The following WDR70 variants were observed in gnomAD, a reference collection of about 807,000 sequenced individuals.
WDR70 encodes WD repeat domain 70.
WDR70 carries 53 observed loss-of-function variants against 88.6 expected under a neutral mutation model. That is an observed-to-expected ratio of 0.60 (90% CI 0.48 to 0.75). The LOEUF is 0.75. Ranked by LOEUF, WDR70 falls within the 30% of genes least tolerant of loss-of-function variation. WDR70 has a pLI of 0.00. For synonymous variants in WDR70, 280 were observed against 270.0 expected, an observed-to-expected ratio of 1.04 and a Z score of -0.36; for missense variants, 610 against 823.2, an observed-to-expected ratio of 0.74 and a Z score of 3.17.
Position 37,426,513 on chromosome 5 carries a change from C to T in WDR70, c.493-11409C>T, listed in dbSNP as rs573434439. Among the ~76,000 whole-genome samples the T allele has an allele frequency of 3.1e-3, 472 of 152,266 alleles. 1 individual carries two copies. Among genetic ancestry groups the T allele is most frequent in the African/African-American group, 0.011 (442 of 41,556 alleles). ...TCTTCTGGTCTTACTTTGAATCTCT[C>T]GTGTAGCTGCAGTTAGCATATAGCA... On this transcript the variant is annotated intron_variant, in intron 5 of 17. Coordinates refer to ENST00000265107, the MANE Select transcript of WDR70 (RefSeq NM_018034.4).
chr5:37,635,586 G>A (rs973636491), intron 10 of WDR70, among the ~76,000 whole-genome samples: 51 of 152,216 alleles, frequency 3.4e-4, no homozygotes, highest in African/African-American at 1.1e-3. Flanking sequence ...TAAATATTTG[G>A]TGTAGAAGTT....
intron 5 of WDR70, among the ~76,000 whole-genome samples, chr5:37,436,052 A>T (rs1231725923): frequency 6.6e-6 from 1 of 152,156 alleles, no homozygotes; most frequent in South Asian, 2.1e-4. Flanking sequence ...GAAATGCCAT[A>T]GAAATGCATA....
At chr5:37,514,356 A>ATATATATATATATATATATATATG (rs771375976) in intron 8 of WDR70, among the ~76,000 whole-genome samples, 27 of 54,394 alleles carry the variant, frequency 5.0e-4, no homozygotes, top group East Asian at 1.6e-3. Context: ...ATATATATAT[A>ATATATATATATATATATATATATG]TATGTATGTA....
chr5:37,461,415 G>A (rs1738999261), intron 7 of WDR70, among the ~76,000 whole-genome samples: 2 of 152,134 alleles, frequency 1.3e-5, no homozygotes, highest in African/African-American at 4.8e-5. Context: ...AGCTGGGGCT[G>A]AGAGTAATCC....
At chr5:37,542,945 G>A (rs1191329666) in intron 9 of WDR70, among the ~76,000 whole-genome samples, 1 of 152,210 alleles carries the variant, frequency 6.6e-6, no homozygotes, top group African/African-American at 2.4e-5. Flanking sequence ...ACGAATCTGA[G>A]CTTGTCAACA....
intron 9 of WDR70, among the ~76,000 whole-genome samples, chr5:37,546,133 T>C (rs1741984453): frequency 6.6e-6 from 1 of 152,220 alleles, no homozygotes; most frequent in Non-Finnish European, 1.5e-5. Context: ...ACGTGTTTGC[T>C]CCTGTTATGT....
At position 37,452,758 on chromosome 5, in the gene WDR70, A is replaced by G. The variant is rs1223321064; in HGVS notation, c.686+9386A>G. ...ATGGAAACATAGTATGATGTTTTCA[A>G]ACCATCTCCTCACCTGGAATAGCAA... On this transcript the variant is annotated intron_variant, in intron 7 of 17. Coordinates refer to ENST00000265107, the MANE Select transcript of WDR70 (RefSeq NM_018034.4). Among the ~76,000 whole-genome samples the G allele has an allele frequency of 5.9e-5, 9 of 152,222 alleles. No homozygotes were observed. In the South Asian group the frequency reaches 1.2e-3, roughly 21 times the overall value.
Position 37,697,708 on chromosome 5 carries a change from T to C in WDR70, c.1146T>C (p.Ser382=), listed in dbSNP as rs556989599. ...CTCATGACTCGGGCACAGACACTTCTTGCGTGACTTTTTCCTATGATGGTA... is the reference window on the plus strand; with the variant it reads ...CTCATGACTCGGGCACAGACACTTCCTGCGTGACTTTTTCCTATGATGGTA... The part of the protein sequence containing the change: ...KQAHDSGTDT[S]CVTFSYDGNV... The change falls in exon 11 of 18, where the codon TCT becomes TCC. Residue 382 remains serine (S), a synonymous_variant. Transcript: ENST00000265107. The C allele has an allele frequency of 1.1e-5, 18 of 1,613,848 alleles. No homozygotes were observed. The African/African-American group carries it at 2.3e-4, about 20-fold the overall frequency.
intron 8 of WDR70, among the ~76,000 whole-genome samples, chr5:37,484,030 A>G (rs1354446858): frequency 6.6e-6 from 1 of 150,880 alleles, no homozygotes; most frequent in African/African-American, 2.5e-5. Context: ...CACTTCCTAG[A>G]CGGGATGGCG....
chr5:37,663,760 C>T (rs577787943), intron 10 of WDR70, among the ~76,000 whole-genome samples: 2 of 152,204 alleles, frequency 1.3e-5, no homozygotes, highest in East Asian at 1.9e-4. Flanking sequence ...TCCCTGCAGT[C>T]GCCAAGGAAG....
chr5:37,500,716 CTTTTTT>C (rs550821207), intron 8 of WDR70, among the ~76,000 whole-genome samples: 242 of 63,266 alleles, frequency 3.8e-3, no homozygotes, highest in East Asian at 0.02. Context: ...TATTTGTTGG[CTTTTTT>C]TTTTTTTTTT....
intron 7 of WDR70, among the ~76,000 whole-genome samples, chr5:37,458,145 T>C: frequency 2.4e-5 from 1 of 40,854 alleles, no homozygotes; most frequent in Non-Finnish European, 5.0e-5. Context: ...TTTGCGTATA[T>C]TGAACCAGCC....
At chr5:37,564,926 T>C (rs1409535064) in intron 9 of WDR70, among the ~76,000 whole-genome samples, 2 of 152,206 alleles carry the variant, frequency 1.3e-5, no homozygotes, top group Non-Finnish European at 2.9e-5. Context: ...TTTCTAGTTA[T>C]TTTATTTCAA....
At chr5:37,713,392 C>T (rs944030126) in intron 13 of WDR70, among the ~76,000 whole-genome samples, 28 of 152,106 alleles carry the variant, frequency 1.8e-4, no homozygotes, top group Non-Finnish European at 3.7e-4. Flanking sequence ...TATTTCTAGT[C>T]CTTTGAAACA....
chr5:37,454,527 C>T (rs753578285), intron 7 of WDR70, among the ~76,000 whole-genome samples: 10 of 152,118 alleles, frequency 6.6e-5, no homozygotes, highest in African/African-American at 1.7e-4. Context: ...AAAACAGATA[C>T]CTACTGTTTT....
chr5:37,712,873 T>G (rs1747552771), intron 13 of WDR70, among the ~76,000 whole-genome samples: 1 of 152,028 alleles, frequency 6.6e-6, no homozygotes, highest in African/African-American at 2.4e-5. Flanking sequence ...AGCTAATTTT[T>G]TTTTTCTTAG....
intron 17 of WDR70, among the ~76,000 whole-genome samples, chr5:37,741,588 A>G (rs553137026): frequency 2.0e-5 from 3 of 152,250 alleles, no homozygotes; most frequent in African/African-American, 7.2e-5. Flanking sequence ...AGTTCACAAT[A>G]GGGTTTGTGC....
At chr5:37,679,614 G>A (rs1009787002) in intron 10 of WDR70, among the ~76,000 whole-genome samples, 4 of 152,168 alleles carry the variant, frequency 2.6e-5, no homozygotes, top group African/African-American at 9.7e-5. Flanking sequence ...AGGAGTACCC[G>A]GCCGTGTGAG....
intron 5 of WDR70, among the ~76,000 whole-genome samples, chr5:37,412,049 TA>T (rs548545627): frequency 4.7e-5 from 7 of 150,000 alleles, no homozygotes; most frequent in East Asian, 3.9e-4. Flanking sequence ...TAGAACTAAG[TA>T]AAAAAAAAAT....
Sources: allele counts gnomAD v4.1 joint callset (sites outside exome capture counted in the v4.1 genomes callset), GRCh38; gene constraint gnomAD v4.1.1; transcripts MANE v1.5; gene names NCBI Gene and HGNC (gene_info 2026-07-23, HGNC 2026-07-21).